Variants in ANO1 observed in about 807,000 individuals in gnomAD.
ANO1 encodes the protein anoctamin-1.
A neutral mutation model predicts 124.0 loss-of-function variants in ANO1; 59 were observed. The ratio of observed to expected loss-of-function variants is 0.48; its 90% CI spans 0.39 to 0.59. The LOEUF (loss-of-function observed/expected upper bound fraction) is 0.59, where lower values mean the gene tolerates loss of function less well. Ranked by LOEUF, ANO1 falls within the 20% of genes least tolerant of loss-of-function variation. The pLI is 0.00. For synonymous variants in ANO1, 529 were observed against 532.0 expected (o/e 0.99, Z 0.08); for missense variants, 1,059 against 1,328.0 (o/e 0.80, Z 3.15).
chr11:70,110,231 G>T (rs113498532), intron 6 of ANO1, among the ~76,000 whole-genome samples: 3,586 of 141,206 alleles, frequency 0.025, 61 homozygotes, highest in Middle Eastern at 0.05. Flanking sequence ...CTGTCACCCA[G>T]GCTATAGTGC....
At chr11:69,966,669 G>T in the ANO1 span, among the ~76,000 whole-genome samples, 246 of 152,294 alleles carry the variant, frequency 1.6e-3, no homozygotes, top group African/African-American at 5.7e-3. Context: ...TGGGGCGTTG[G>T]GGTGAGAGGC....
At chr11:70,167,190 C>A in intron 20 of ANO1, 52 bp from the exon 21 acceptor site, 1 of 1,597,476 alleles carries the variant, frequency 6.3e-7, no homozygotes, top group Non-Finnish European at 8.5e-7. Context: ...CAGACCCAAG[C>A]CCCCAAATTC....
chr11:70,003,664 TG>T (rs1856429797), intron 1 of ANO1, among the ~76,000 whole-genome samples: 2 of 151,562 alleles, frequency 1.3e-5, no homozygotes, highest in Non-Finnish European at 2.9e-5. Context: ...GGTAGATGAA[TG>T]GAATGGGTGG....
chr11:70,136,398 C>T (rs2046955952), intron 11 of ANO1, among the ~76,000 whole-genome samples: 1 of 152,212 alleles, frequency 6.6e-6, no homozygotes, highest in African/African-American at 2.4e-5. Context: ...TCTTAGGTGC[C>T]CATGACCCTG....
chr11:70,032,557 A>G (rs2135033722), intron 1 of ANO1, among the ~76,000 whole-genome samples: 1 of 151,492 alleles, frequency 6.6e-6, no homozygotes, highest in Non-Finnish European at 1.5e-5. Flanking sequence ...TCTGAAGGGT[A>G]GAATCCGCAG....
At chr11:70,076,278 G>A (rs986911506), upstream of ANO1, among the ~76,000 whole-genome samples, 2 of 152,264 alleles carry the variant, frequency 1.3e-5, no homozygotes, top group African/African-American at 2.4e-5. Flanking sequence ...AAGCCGCAAG[G>A]GGTGCTGTTG....
intron 11 of ANO1, among the ~76,000 whole-genome samples, chr11:70,143,238 A>G (rs76011981): frequency 0.023 from 3,470 of 152,194 alleles, 156 homozygotes; most frequent in African/African-American, 0.078. Flanking sequence ...GCAGCTACAG[A>G]GCGGGTTGCA....
intron 1 of ANO1, among the ~76,000 whole-genome samples, chr11:69,998,253 C>T (rs1332958424): frequency 6.6e-6 from 1 of 152,256 alleles, no homozygotes; most frequent in Non-Finnish European, 1.5e-5. Context: ...ATCTAAACAT[C>T]TACACCCCAT....
chr11:70,063,241 A>G (rs769057136), intron 1 of ANO1, among the ~76,000 whole-genome samples: 1 of 152,122 alleles, frequency 6.6e-6, no homozygotes, highest in Non-Finnish European at 1.5e-5. Flanking sequence ...TACTGCATCA[A>G]TTGATGTTTG....
intron 1 of ANO1, among the ~76,000 whole-genome samples, chr11:69,999,530 G>A (rs570774312): frequency 1.3e-5 from 2 of 152,278 alleles, no homozygotes; most frequent in African/African-American, 4.8e-5. Flanking sequence ...ATTTGCCAGA[G>A]TGCTTTGCTA....
At chr11:70,185,792 G>A (rs2049096435) in intron 25 of ANO1, 97 bp downstream of exon 25, 2 of 1,361,496 alleles carry the variant, frequency 1.5e-6, no homozygotes, top group Non-Finnish European at 2.0e-6. Context: ...CTAAAGCCAG[G>A]GGTTCAGAGA....
chr11:70,054,653 C>T (rs1565169700), intron 1 of ANO1, among the ~76,000 whole-genome samples: 2 of 152,240 alleles, frequency 1.3e-5, no homozygotes, highest in Non-Finnish European at 2.9e-5. Context: ...TTGTGAGGGG[C>T]AGGCCTGAGT....
At chr11:70,167,510 TA>T (rs1248883487) in intron 21 of ANO1, 123 bp downstream of exon 21, 1 of 1,341,786 alleles carries the variant, frequency 7.5e-7, no homozygotes, top group Non-Finnish European at 1.0e-6. Context: ...CGTCCCTCCA[TA>T]AGCATCAGGC....
At position 70,104,415 on chromosome 11, in the gene ANO1, G is replaced by A. The variant is rs577149294; in HGVS notation, c.692+265G>A. Among the ~76,000 whole-genome samples, 5 of 152,278 alleles carry A rather than the reference G, an allele frequency of 3.3e-5. No individual in the cohort carries two copies. The South Asian group carries it at 1.0e-3, about 32-fold the overall frequency. ...CCTGAGTGAGGACCCCAAAGCAGTG[G>A]TCTAGACATGCCTTCCCACCCGCTC... On this transcript the variant is annotated intron_variant, in intron 4 of 25. Transcript: ENST00000355303.
At chr11:70,074,605 C>A (rs1172698996), upstream of ANO1, among the ~76,000 whole-genome samples, 3 of 152,116 alleles carry the variant, frequency 2.0e-5, no homozygotes, top group Non-Finnish European at 4.4e-5. Context: ...CTGGCCCCCC[C>A]AGGTCCAGTT....
At chr11:70,103,971 G>A (rs1193994776) in intron 3 of ANO1, 28 bp from the exon 4 acceptor site, 7 of 1,604,538 alleles carry the variant, frequency 4.4e-6, no homozygotes, top group Admixed American at 1.7e-5. Context: ...GGGTGACGCA[G>A]CTCCCCGGTC....
upstream of ANO1, among the ~76,000 whole-genome samples, chr11:70,074,429 C>T (rs1351132082): frequency 6.6e-6 from 1 of 152,190 alleles, no homozygotes; most frequent in Non-Finnish European, 1.5e-5. Flanking sequence ...CTTTCTGCCA[C>T]CTCTCTAATT....
intron 11 of ANO1, among the ~76,000 whole-genome samples, chr11:70,146,486 A>G (rs1425633315): frequency 2.0e-5 from 3 of 152,056 alleles, no homozygotes; most frequent in Non-Finnish European, 4.4e-5. Flanking sequence ...GGGAAAGAGG[A>G]GGAGCTGGGG....
chr11:69,988,857 C>G (rs1201783517), intron 1 of ANO1, among the ~76,000 whole-genome samples: 1 of 152,060 alleles, frequency 6.6e-6, no homozygotes, highest in Admixed American at 6.6e-5. Context: ...TGGAAATCAA[C>G]CCACATGCCT....
Sources: gnomAD v4.1 joint callset for allele counts (sites outside exome capture counted in the v4.1 genomes callset) on GRCh38, gnomAD v4.1.1 for gene constraint, MANE v1.5 for transcripts, NCBI Gene and HGNC (gene_info 2026-07-23, HGNC 2026-07-21) for gene names.